The following PSG9 variants were observed in gnomAD, a reference collection of about 807,000 sequenced individuals.
The protein encoded by PSG9 is pregnancy-specific beta-1-glycoprotein 9.
Under a neutral mutation model 41.9 loss-of-function variants are expected in PSG9, and 49 were observed. The ratio of observed to expected loss-of-function variants is 1.17; its 90% confidence interval spans 0.93 to 1.48. The LOEUF is 1.48. Among genes scored for constraint, PSG9 ranks in the 40% most tolerant of loss-of-function variants. The probability of loss-of-function intolerance (pLI) is 0.00; values close to 1 mark genes in which losing one functional copy is unlikely to be tolerated. For synonymous variants in PSG9, 263 were observed against 196.8 expected, an observed-to-expected ratio of 1.34 and a Z score of -2.82; for missense variants, 641 against 520.3, an observed-to-expected ratio of 1.23 and a Z score of -2.26.
intron 2 of PSG9, among the ~76,000 whole-genome samples, chr19:43,264,221 G>A (rs1426927542): frequency 6.6e-6 from 1 of 152,056 alleles, no homozygotes; most frequent in Non-Finnish European, 1.5e-5. Flanking sequence ...TTCCCATTAT[G>A]TGTATGTTAC....
At chr19:43,259,220 C>G (rs1344932319) in intron 3 of PSG9, 85 bp from the exon 4 acceptor site, 8 of 1,529,770 alleles carry the variant, frequency 5.2e-6, no homozygotes, top group African/African-American at 1.5e-5. Context: ...TGGCATCTCC[C>G]ACCTCTCAGC....
At chr19:43,256,266 T>G (rs958221684) in intron 5 of PSG9, among the ~76,000 whole-genome samples, 1 of 146,792 alleles carries the variant, frequency 6.8e-6, no homozygotes, top group South Asian at 2.2e-4. Context: ...GAAGAAAAGC[T>G]TCATGATACT....
intron 2 of PSG9, among the ~76,000 whole-genome samples, chr19:43,263,087 G>A (rs943435872): frequency 5.9e-5 from 9 of 152,098 alleles, no homozygotes; most frequent in African/African-American, 1.4e-4. Context: ...TTCTCTCATT[G>A]GACATTCTAC....
chr19:43,268,417 C>T (rs977727646), intron 1 of PSG9, among the ~76,000 whole-genome samples: 26 of 152,142 alleles, frequency 1.7e-4, no homozygotes, highest in Non-Finnish European at 4.4e-5. Context: ...TTGGAATCCT[C>T]TTCCCCAGGG....
rs375441239 is a variant in PSG9, at chr19:43,262,300, A to G, written c.431-162T>C. On this transcript the variant is annotated intron_variant, in intron 2 of 5. Transcript: ENST00000270077. ...CAAGACAGATGCATGGCAATCTGAG[A>G]GCTCAGAGATTGTGAGGCTGCCTGC... Among the ~76,000 whole-genome samples the G allele has an allele frequency of 7.2e-5, 11 of 152,228 alleles. No individual in the cohort carries two copies. The East Asian group carries it at 7.7e-4, about 11-fold the overall frequency.
intron 5 of PSG9, among the ~76,000 whole-genome samples, chr19:43,255,115 A>G (rs1349185734): frequency 1.5e-5 from 2 of 132,644 alleles, no homozygotes; most frequent in East Asian, 4.7e-4. Flanking sequence ...CAAAAAAAAA[A>G]AAAAAGAAAG....
At chr19:43,264,365 G>T (rs1244117958) in intron 2 of PSG9, among the ~76,000 whole-genome samples, 2 of 151,954 alleles carry the variant, frequency 1.3e-5, no homozygotes, top group Non-Finnish European at 2.9e-5. Context: ...TTCAGTTTTG[G>T]AAGTTTCTAT....
At chr19:43,254,268 A>G (rs1416033712) in intron 5 of PSG9, among the ~76,000 whole-genome samples, 1 of 146,400 alleles carries the variant, frequency 6.8e-6, no homozygotes, top group Non-Finnish European at 1.5e-5. Flanking sequence ...AGCATGGTGT[A>G]AAAACTTTCC....
intron 1 of PSG9, among the ~76,000 whole-genome samples, chr19:43,269,012 CT>C (rs757718663): frequency 7.4e-5 from 11 of 148,660 alleles, no homozygotes; most frequent in South Asian, 4.3e-4. Flanking sequence ...TCCTTTTTTT[CT>C]TTTTTTTTTG....
At chr19:43,266,115 G>T (rs1439804858) in intron 2 of PSG9, among the ~76,000 whole-genome samples, 18 of 151,702 alleles carry the variant, frequency 1.2e-4, no homozygotes, top group Admixed American at 1.1e-3. Context: ...GAGAGGCAGA[G>T]ACACCATGGC....
At position 43,268,965 on chromosome 19, in the gene PSG9, G is replaced by A. The variant is rs565891856; in HGVS notation, c.64+403C>T. ...CTTTTGACCCCTGTCCCTCTCTGGTGTATTTTCCCCTATCCAGGCTGCAAC... is the reference window on the plus strand; with the variant it reads ...CTTTTGACCCCTGTCCCTCTCTGGTATATTTTCCCCTATCCAGGCTGCAAC... On this transcript the variant is annotated intron_variant, in intron 1 of 5. Transcript: ENST00000270077. Among the ~76,000 whole-genome samples, 11 of 152,076 alleles carry A rather than the reference G, an allele frequency of 7.2e-5. No homozygotes were observed. The East Asian group carries it at 1.7e-3, about 24-fold the overall frequency.
chr19:43,266,847 A>T (rs1968993319), intron 2 of PSG9, among the ~76,000 whole-genome samples: 2 of 152,130 alleles, frequency 1.3e-5, no homozygotes, highest in African/African-American at 4.8e-5. Flanking sequence ...ACTCTGGTTC[A>T]GTGACTGCAC....
chr19:43,254,141 G>A (rs561040605), intron 5 of PSG9, among the ~76,000 whole-genome samples: 1 of 145,602 alleles, frequency 6.9e-6, no homozygotes, highest in African/African-American at 2.6e-5. Flanking sequence ...CTGTTGAGGT[G>A]CACTTCCTAT....
At position 43,258,394 on chromosome 19, in the gene PSG9, C is replaced by A. The variant is rs771822396; in HGVS notation, c.1051G>T (p.Asp351Tyr). 5.3e-5 allele frequency: 85 copies of A among 1,591,938 alleles called. 5 individuals are homozygous for A. The Middle Eastern group carries it at 4.2e-3, about 78-fold the overall frequency. ...TTAGATTCCGTGAAGCAGGACAAGT[C>A]GAGGTTTTCTCCTGAACGGTAATAG... ...FTYYRSGENLDLSCFTESNPP... is the reference protein window; with the variant it reads ...FTYYRSGENLYLSCFTESNPP... Residue 351 changes from aspartate (D) to tyrosine (Y), a missense_variant, in exon 5 of 6, where the codon GAC becomes TAC. Transcript: ENST00000270077.
At chr19:43,258,557 C>T in intron 4 of PSG9, 101 bp from the exon 5 acceptor site, 3 of 1,474,054 alleles carry the variant, frequency 2.0e-6, no homozygotes, top group Non-Finnish European at 2.7e-6. Flanking sequence ...CAAGACACAC[C>T]CTCAAGTCCC....
At chr19:43,265,681 G>A (rs4803591) in intron 2 of PSG9, among the ~76,000 whole-genome samples, 18,339 of 152,038 alleles carry the variant, frequency 0.12, 1,563 homozygotes, top group East Asian at 0.37. Flanking sequence ...ATCTTTCTCC[G>A]ACTACAGACC....
chr19:43,266,283 G>T (rs1968962845), intron 2 of PSG9, among the ~76,000 whole-genome samples: 1 of 152,010 alleles, frequency 6.6e-6, no homozygotes, highest in Non-Finnish European at 1.5e-5. Flanking sequence ...GGTAGTGGGG[G>T]GATGAAACGT....
intron 4 of PSG9, 53 bp downstream of exon 4, chr19:43,258,804 T>A: frequency 1.3e-6 from 2 of 1,571,920 alleles, no homozygotes; most frequent in Non-Finnish European, 1.7e-6. Context: ...TGGCATCTGG[T>A]CGTTTGGACT....
chr19:43,258,792 C>T, intron 4 of PSG9, 65 bp downstream of exon 4: 1 of 1,563,452 alleles, frequency 6.4e-7, no homozygotes, highest in South Asian at 1.2e-5. Context: ...GACTGAGAGG[C>T]CTGGCATCTG....
Sources: allele counts gnomAD v4.1 joint callset (sites outside exome capture counted in the v4.1 genomes callset), GRCh38; gene constraint gnomAD v4.1.1; transcripts MANE v1.5; gene names NCBI Gene and HGNC (gene_info 2026-07-23, HGNC 2026-07-21).